The following ABCC4 variants were observed in gnomAD, a reference collection of about 807,000 sequenced individuals.
The protein encoded by ABCC4 is ATP-binding cassette sub-family C member 4.
ABCC4 carries 102 observed loss-of-function variants against 168.5 expected under a neutral mutation model. The ratio of observed to expected loss-of-function variants is 0.61; its 90% CI spans 0.52 to 0.71. ABCC4 has a LOEUF of 0.71. Ranked by LOEUF, ABCC4 falls within the 30% of genes least tolerant of loss-of-function variation. The probability of loss-of-function intolerance (pLI) is 0.00; values close to 1 mark genes in which losing one functional copy is unlikely to be tolerated. For synonymous variants in ABCC4, 617 were observed against 590.7 expected, an observed-to-expected ratio of 1.04 and a Z score of -0.65; for missense variants, 1,402 against 1,605.8, an observed-to-expected ratio of 0.87 and a Z score of 2.17.
intron 1 of ABCC4, among the ~76,000 whole-genome samples, chr13:95,282,038 G>A (rs2041137430): frequency 6.6e-6 from 1 of 151,920 alleles, no homozygotes; most frequent in South Asian, 2.1e-4. Context: ...ACCTGGGAGG[G>A]GTGGAGGTTG....
chr13:95,178,573 T>A (rs1021539967), intron 11 of ABCC4, among the ~76,000 whole-genome samples: 3 of 152,248 alleles, frequency 2.0e-5, no homozygotes, highest in Non-Finnish European at 4.4e-5. Flanking sequence ...TGTCAGGGGA[T>A]GGACTGGCTG....
At chr13:95,088,188 G>T (rs2034318593) in intron 20 of ABCC4, among the ~76,000 whole-genome samples, 1 of 152,032 alleles carries the variant, frequency 6.6e-6, no homozygotes, top group African/African-American at 2.4e-5. Context: ...ACTGACAGAT[G>T]GTTTCCTTTG....
chr13:95,224,023 CA>C (rs886630472), intron 4 of ABCC4, among the ~76,000 whole-genome samples: 3 of 149,748 alleles, frequency 2.0e-5, no homozygotes, highest in East Asian at 2.0e-4. Context: ...GAGAATAAGT[CA>C]AAAAAAACTT....
At chr13:95,146,661 G>T (rs1203848843) in intron 19 of ABCC4, among the ~76,000 whole-genome samples, 2 of 152,210 alleles carry the variant, frequency 1.3e-5, no homozygotes, top group African/African-American at 4.8e-5. Flanking sequence ...GCAAAGAAGA[G>T]GGTGGATCTA....
At chr13:95,199,732 C>T (rs1430845929) in intron 8 of ABCC4, among the ~76,000 whole-genome samples, 1 of 152,136 alleles carries the variant, frequency 6.6e-6, no homozygotes, top group Non-Finnish European at 1.5e-5. Context: ...TATCTCCCTG[C>T]CTCTACTCTG....
chr13:95,026,970 A>G (rs2031582241), intron 30 of ABCC4, among the ~76,000 whole-genome samples: 1 of 152,238 alleles, frequency 6.6e-6, no homozygotes, highest in African/African-American at 2.4e-5. Flanking sequence ...CCATATGAAC[A>G]GACAACACGA....
chr13:95,226,387 T>C (rs9524845), intron 4 of ABCC4, among the ~76,000 whole-genome samples: 116,355 of 152,040 alleles, frequency 0.77, 45,007 homozygotes, highest in Non-Finnish European at 0.84. Context: ...ATTCTATCCA[T>C]CTGACTACTA....
At chr13:95,068,575 G>A (rs908801068) in intron 25 of ABCC4, among the ~76,000 whole-genome samples, 1 of 152,088 alleles carries the variant, frequency 6.6e-6, no homozygotes, top group Non-Finnish European at 1.5e-5. Flanking sequence ...CCAAGATTGC[G>A]CCACTGCACT....
At chr13:95,152,397 C>A (rs2036716760) in intron 19 of ABCC4, among the ~76,000 whole-genome samples, 1 of 152,090 alleles carries the variant, frequency 6.6e-6, no homozygotes. Context: ...CTTGTTCTGT[C>A]CAGCCAACAA....
chr13:95,171,572 G>GAA (rs34905884), intron 13 of ABCC4, among the ~76,000 whole-genome samples: 23 of 134,226 alleles, frequency 1.7e-4, no homozygotes, highest in South Asian at 9.2e-4. Flanking sequence ...AAAAAAAGGA[G>GAA]AAAAAAAAAA....
At chr13:95,290,150 G>A (rs1187275434) in intron 1 of ABCC4, among the ~76,000 whole-genome samples, 2 of 98,228 alleles carry the variant, frequency 2.0e-5, no homozygotes, top group African/African-American at 3.0e-5. Context: ...ATAGATAGAT[G>A]ATAGATAGAT....
chr13:95,025,214 C>A (rs952893591), intron 30 of ABCC4, among the ~76,000 whole-genome samples: 1 of 47,018 alleles, frequency 2.1e-5, no homozygotes, highest in African/African-American at 9.4e-5. Context: ...CCACACCCCC[C>A]ACACACCCCC....
chr13:95,287,454 G>A (rs139518372), intron 1 of ABCC4, among the ~76,000 whole-genome samples: 8,632 of 151,740 alleles, frequency 0.057, 370 homozygotes, highest in African/African-American at 0.11. Context: ...GGGCATGGTG[G>A]CAGGCACCTG....
intron 25 of ABCC4, among the ~76,000 whole-genome samples, chr13:95,068,289 T>A (rs542682434): frequency 6.6e-6 from 1 of 152,184 alleles, no homozygotes; most frequent in Non-Finnish European, 1.5e-5. Context: ...AATACACAAA[T>A]GAAGCTAAAG....
intron 4 of ABCC4, among the ~76,000 whole-genome samples, chr13:95,217,244 C>A (rs74105483): frequency 6.6e-6 from 1 of 152,182 alleles, no homozygotes; most frequent in African/African-American, 2.4e-5. Flanking sequence ...TAAACTGTTT[C>A]TTCTTTCTTG....
chr13:95,216,149 G>A (rs895531394), intron 4 of ABCC4, among the ~76,000 whole-genome samples: 14 of 152,132 alleles, frequency 9.2e-5, no homozygotes, highest in African/African-American at 3.1e-4. Flanking sequence ...TAGATGAGAA[G>A]ATAAAAATAA....
At chr13:95,268,164 G>C (rs1324028096) in intron 1 of ABCC4, among the ~76,000 whole-genome samples, 1 of 152,204 alleles carries the variant, frequency 6.6e-6, no homozygotes, top group Non-Finnish European at 1.5e-5. Context: ...CCAACCCTGT[G>C]CTCGCAGAGA....
At chr13:95,189,252 G>C (rs2038176591) in intron 9 of ABCC4, among the ~76,000 whole-genome samples, 1 of 141,736 alleles carries the variant, frequency 7.1e-6, no homozygotes, top group African/African-American at 2.7e-5. Context: ...TCCTGCCTCA[G>C]CCTCCCGAGT....
At chr13:95,266,073 T>C (rs2040665003) in intron 1 of ABCC4, 1 of 152,158 alleles carries the variant, frequency 6.6e-6, no homozygotes, top group African/African-American at 2.4e-5. Context: ...CCCAAAAAGA[T>C]ATGCCCAAGT....
Sources: allele counts gnomAD v4.1 joint callset (sites outside exome capture counted in the v4.1 genomes callset), GRCh38; gene constraint gnomAD v4.1.1; transcripts MANE v1.5; gene names NCBI Gene and HGNC (gene_info 2026-07-23, HGNC 2026-07-21).